Variants in MEI1 observed in about 807,000 individuals in gnomAD.
The protein encoded by MEI1 is meiotic double-stranded break formation protein 1.
Under a neutral mutation model 146.2 loss-of-function variants are expected in MEI1, and 103 were observed. That is an observed-to-expected ratio of 0.70 (90% CI 0.60 to 0.83). The LOEUF is 0.83. Ranked by LOEUF, MEI1 falls within the 40% of genes least tolerant of loss-of-function variation. The pLI is 0.00. For missense variants in MEI1, 1,529 were observed against 1,533.0 expected (o/e 1.00, Z 0.04); for synonymous variants, 652 against 628.2 (o/e 1.04, Z -0.57).
chr22:41,744,061 G>C (rs1342935720), intron 12 of MEI1, among the ~76,000 whole-genome samples: 2 of 151,862 alleles, frequency 1.3e-5, no homozygotes, highest in Non-Finnish European at 2.9e-5. Context: ...AATTTTAGTA[G>C]AGACAGGGTT....
chr22:41,788,237 C>T (rs2076060448), intron 26 of MEI1, among the ~76,000 whole-genome samples: 1 of 151,980 alleles, frequency 6.6e-6, no homozygotes, highest in Non-Finnish European at 1.5e-5. Flanking sequence ...CCATGTTGGC[C>T]AGGCTGGTCT....
intron 20 of MEI1, among the ~76,000 whole-genome samples, chr22:41,772,757 C>T (rs995677992): frequency 2.0e-5 from 3 of 152,194 alleles, no homozygotes; most frequent in Admixed American, 6.5e-5. Flanking sequence ...TCTTTTTACT[C>T]AGTCTGTTTA....
chr22:41,782,928 C>T (rs1281105822), intron 24 of MEI1, among the ~76,000 whole-genome samples: 3 of 152,294 alleles, frequency 2.0e-5, no homozygotes, highest in African/African-American at 7.2e-5. Context: ...GACCTAGTTA[C>T]AGTCTCCTGG....
chr22:41,740,895 C>T (rs1257822607), intron 11 of MEI1, among the ~76,000 whole-genome samples: 1 of 151,952 alleles, frequency 6.6e-6, no homozygotes, highest in Non-Finnish European at 1.5e-5. Context: ...TTAGAAGGCC[C>T]AACAGATGGC....
chr22:41,770,398 A>T (rs2075108434), intron 19 of MEI1, among the ~76,000 whole-genome samples: 1 of 151,576 alleles, frequency 6.6e-6, no homozygotes. Context: ...CAGCATCCCC[A>T]CTCTCTCCCT....
chr22:41,700,496 A>G (rs2068620406), intron 1 of MEI1, among the ~76,000 whole-genome samples: 1 of 152,114 alleles, frequency 6.6e-6, no homozygotes, highest in Non-Finnish European at 1.5e-5. Flanking sequence ...ACGCTCGGCT[A>G]ATTTCTCTAT....
rs779359512 is a variant in MEI1 at position 41,758,378 on chromosome 22, G to A, written c.1965G>A (p.Val655=). The change falls in exon 18 of 31, where the codon GTG becomes GTA. Residue 655 remains valine (V), a synonymous_variant. Coordinates refer to ENST00000401548, the MANE Select transcript of MEI1 (RefSeq NM_152513.4). The part of the protein sequence containing the change: ...GPPSKEELSA[V]SELLQHGLPQ... Reference sequence around the variant, plus strand: ...TTCCCTCCCTAGAACTCTCTGCAGTGTCTGAGCTCCTGCAGCATGGGCTGC... The same window carrying A: ...TTCCCTCCCTAGAACTCTCTGCAGTATCTGAGCTCCTGCAGCATGGGCTGC... The A allele has an allele frequency of 2.5e-6, 4 of 1,613,282 alleles. 1 individual carries two copies. The African/African-American group carries it at 5.3e-5, about 22-fold the overall frequency.
intron 26 of MEI1, among the ~76,000 whole-genome samples, chr22:41,792,045 T>C (rs1252321760): frequency 1.3e-5 from 2 of 152,150 alleles, no homozygotes; most frequent in Non-Finnish European, 2.9e-5. Context: ...GTGATGAAAA[T>C]ATTCTTGAAT....
chr22:41,766,931 G>C (rs542346361), intron 19 of MEI1, among the ~76,000 whole-genome samples: 1 of 152,168 alleles, frequency 6.6e-6, no homozygotes, highest in African/African-American at 2.4e-5. Context: ...GAAGGGAGGT[G>C]AAAGAGTTTA....
chr22:41,775,205 C>T (rs922557772), intron 20 of MEI1, among the ~76,000 whole-genome samples: 1 of 152,192 alleles, frequency 6.6e-6, no homozygotes, highest in Non-Finnish European at 1.5e-5. Flanking sequence ...AGCATCTTCC[C>T]ATCTTCCGAG....
At chr22:41,793,155 G>T (rs748942771) in intron 26 of MEI1, among the ~76,000 whole-genome samples, 2 of 142,208 alleles carry the variant, frequency 1.4e-5, no homozygotes, top group East Asian at 4.5e-4. Context: ...ATCTGCCTCA[G>T]CCGCCCAAGT....
At chr22:41,715,943 T>C in intron 4 of MEI1, 98 bp from the exon 5 acceptor site, 2 of 824,956 alleles carry the variant, frequency 2.4e-6, no homozygotes, top group South Asian at 1.7e-5. Context: ...GAGAGACACA[T>C]GCAATACAGG....
intron 11 of MEI1, among the ~76,000 whole-genome samples, chr22:41,734,724 G>A (rs1025496094): frequency 1.3e-5 from 2 of 152,086 alleles, no homozygotes; most frequent in East Asian, 3.9e-4. Context: ...TGCAACTGCT[G>A]CCTCCCAGGC....
At chr22:41,779,173 C>A (rs1023523521) in intron 22 of MEI1, among the ~76,000 whole-genome samples, 2 of 151,924 alleles carry the variant, frequency 1.3e-5, no homozygotes, top group Non-Finnish European at 2.9e-5. Flanking sequence ...AACTGCCAGG[C>A]CTAGTGGCTC....
intron 11 of MEI1, among the ~76,000 whole-genome samples, chr22:41,737,776 GT>G (rs2072508416): frequency 6.6e-6 from 1 of 152,114 alleles, no homozygotes; most frequent in Non-Finnish European, 1.5e-5. Flanking sequence ...GACCTTGTCA[GT>G]TTTTTCACTG....
chr22:41,720,800 C>T (rs2070710374), intron 6 of MEI1, among the ~76,000 whole-genome samples: 1 of 150,008 alleles, frequency 6.7e-6, no homozygotes, highest in African/African-American at 2.5e-5. Flanking sequence ...GAGACAGAGT[C>T]TCGCTCTGCT....
chr22:41,769,230 A>G (rs966065597), intron 19 of MEI1, among the ~76,000 whole-genome samples: 4 of 152,330 alleles, frequency 2.6e-5, no homozygotes, highest in African/African-American at 9.6e-5. Context: ...ATATAGATCA[A>G]TGAAATAGAA....
intron 7 of MEI1, 76 bp downstream of exon 7, chr22:41,724,149 C>T (rs1425641472): frequency 1.8e-5 from 27 of 1,526,170 alleles, no homozygotes; most frequent in Middle Eastern, 1.7e-4. Context: ...TTGTCTTCAT[C>T]TACCACTCCT....
intron 3 of MEI1, among the ~76,000 whole-genome samples, chr22:41,713,691 G>A (rs1195302771): frequency 1.3e-5 from 2 of 152,162 alleles, no homozygotes; most frequent in African/African-American, 4.8e-5. Context: ...TGGGATTACA[G>A]GCCTGCACCT....
Sources: allele counts gnomAD v4.1 joint callset (sites outside exome capture counted in the v4.1 genomes callset), GRCh38; gene constraint gnomAD v4.1.1; transcripts MANE v1.5; gene names NCBI Gene and HGNC (gene_info 2026-07-23, HGNC 2026-07-21).